The following SMAGP variants were observed in gnomAD, a reference collection of about 807,000 sequenced individuals.
The protein encoded by SMAGP is small cell transmembrane and glycosylated protein.
A neutral mutation model predicts 10.1 loss-of-function variants in SMAGP; 7 were observed. The ratio of observed to expected loss-of-function variants is 0.70; its 90% confidence interval spans 0.40 to 1.31. SMAGP has a LOEUF of 1.31. Among genes scored for constraint, SMAGP ranks in the 50% most tolerant of loss-of-function variants. The pLI, the probability that SMAGP is intolerant of heterozygous loss-of-function variation, is 0.01. For missense variants in SMAGP, 113 were observed against 116.5 expected (o/e 0.97, Z 0.14); for synonymous variants, 49 against 47.2 (o/e 1.04, Z -0.16).
intron 2 of SMAGP, among the ~76,000 whole-genome samples, chr12:51,256,559 T>A (rs935678162): frequency 6.6e-6 from 1 of 151,964 alleles, no homozygotes; most frequent in African/African-American, 2.4e-5. Context: ...CCATCTCTAC[T>A]AAAAATACAA....
In SMAGP at chr12:51,264,915, G is replaced by C. The variant is rs147585954; in HGVS notation, c.34+4330C>G. 4.3e-3 allele frequency among the ~76,000 whole-genome samples: 608 copies of C among 142,224 alleles called. 8 individuals carry two copies. Among genetic ancestry groups the C allele is most frequent in the African/African-American group, 0.015 (567 of 38,028 alleles). 93.3% of individuals were successfully genotyped at this position (142,224 alleles called of 152,430 possible). On this transcript the variant is annotated intron_variant, in intron 2 of 3. Transcript: ENST00000603798. ...CCACTGCAATCCAGCCTGGGTGACA[G>C]AGCAAGACTCCATCGCCAGAAAAAA...
chr12:51,254,526 GAC>G lies in SMAGP; in HGVS notation c.35-7697_35-7696del, dbSNP rs549720855. ...TGCACCACTGCACTCCAACCTGGGT[GAC>G]AGAGAGAGACTCCATCTAAAAAAAA... On this transcript the variant is annotated intron_variant, in intron 2 of 3. Transcript: ENST00000603798. Among the ~76,000 whole-genome samples the G allele has an allele frequency of 5.3e-5, 8 of 152,072 alleles. No individual in the cohort carries two copies. In the South Asian group the frequency reaches 1.2e-3, roughly 24 times the overall value.
chr12:51,264,889 G>A (rs1332065671), intron 2 of SMAGP, among the ~76,000 whole-genome samples: 1 of 148,658 alleles, frequency 6.7e-6, no homozygotes, highest in Non-Finnish European at 1.5e-5. Context: ...CCGAGATGGT[G>A]CCACTGCAAT....
intron 2 of SMAGP, among the ~76,000 whole-genome samples, chr12:51,260,502 G>A (rs1944922830): frequency 6.6e-6 from 1 of 151,274 alleles, no homozygotes; most frequent in Non-Finnish European, 1.5e-5. Flanking sequence ...TCAGCCTCCT[G>A]AGTAGTTGGG....
intron 1 of SMAGP, 129 bp downstream of exon 1, chr12:51,270,127 C>T (rs1483514199): frequency 1.3e-5 from 2 of 152,140 alleles, no homozygotes; most frequent in African/African-American, 2.4e-5. Context: ...CCAGCCGCCG[C>T]GACCCTCTGC....
chr12:51,248,495 T>G (rs1202814604), intron 2 of SMAGP, among the ~76,000 whole-genome samples: 1 of 149,038 alleles, frequency 6.7e-6, no homozygotes, highest in Non-Finnish European at 1.5e-5. Flanking sequence ...ATCCAGTTCC[T>G]GGCTCCTAAT....
chr12:51,246,154 A>C, intron 3 of SMAGP, 35 bp from the exon 4 acceptor site: 2 of 1,609,240 alleles, frequency 1.2e-6, no homozygotes, highest in Non-Finnish European at 1.7e-6. Context: ...GAGATGTTTC[A>C]GGATTGAGGA....
intron 2 of SMAGP, among the ~76,000 whole-genome samples, chr12:51,258,959 C>A (rs1403906684): frequency 8.8e-6 from 1 of 113,872 alleles, no homozygotes; most frequent in Non-Finnish European, 1.7e-5. Context: ...CCAGCCTGGG[C>A]AACATGGGGA....
At chr12:51,262,845 C>G (rs1336581359) in intron 2 of SMAGP, among the ~76,000 whole-genome samples, 2 of 152,176 alleles carry the variant, frequency 1.3e-5, no homozygotes, top group Non-Finnish European at 2.9e-5. Flanking sequence ...CTAAGTCTGC[C>G]AGCCTACTTA....
At chr12:51,262,524 A>G (rs1260158282) in intron 2 of SMAGP, among the ~76,000 whole-genome samples, 1 of 152,144 alleles carries the variant, frequency 6.6e-6, no homozygotes, top group African/African-American at 2.4e-5. Flanking sequence ...AACTAAGTTC[A>G]GGAAAGCTGG....
chr12:51,269,347 A>C (rs1233936459), intron 1 of SMAGP, 31 bp from the exon 2 acceptor site: 52 of 1,585,548 alleles, frequency 3.3e-5, no homozygotes, highest in Non-Finnish European at 4.2e-5. Context: ...ACAGGAATGT[A>C]GCGGGTGGGC....
At chr12:51,260,921 C>T (rs1237563107) in intron 2 of SMAGP, among the ~76,000 whole-genome samples, 1 of 151,022 alleles carries the variant, frequency 6.6e-6, no homozygotes, top group Non-Finnish European at 1.5e-5. Context: ...CTCCTGACTT[C>T]GTGATCCACC....
chr12:51,253,800 G>C (rs1488906026), intron 2 of SMAGP, among the ~76,000 whole-genome samples: 3 of 152,172 alleles, frequency 2.0e-5, no homozygotes, highest in Non-Finnish European at 2.9e-5. Flanking sequence ...CAGCTACTTG[G>C]GAGGCCAAGG....
At chr12:51,264,927 A>G (rs1296056368) in intron 2 of SMAGP, among the ~76,000 whole-genome samples, 2 of 147,062 alleles carry the variant, frequency 1.4e-5, no homozygotes, top group Non-Finnish European at 1.5e-5. Flanking sequence ...GCAAGACTCC[A>G]TCGCCAGAAA....
intron 2 of SMAGP, among the ~76,000 whole-genome samples, chr12:51,268,369 A>G (rs1373300321): frequency 1.3e-5 from 2 of 152,208 alleles, no homozygotes; most frequent in East Asian, 3.9e-4. Flanking sequence ...TTTGTGAATG[A>G]TGAAACCGGA....
chr12:51,257,140 ATTTG>A (rs1443417428), intron 2 of SMAGP, among the ~76,000 whole-genome samples: 2 of 152,120 alleles, frequency 1.3e-5, no homozygotes, highest in Non-Finnish European at 1.5e-5. Flanking sequence ...GGGAGTTCAA[ATTTG>A]TTTGTTTTTC....
intron 3 of SMAGP, 69 bp from the exon 4 acceptor site, chr12:51,246,188 T>A: frequency 1.3e-6 from 2 of 1,560,932 alleles, no homozygotes; most frequent in Non-Finnish European, 1.7e-6. Flanking sequence ...CCTGGAGTCA[T>A]CTGATTTAGT....
chr12:51,256,775 A>AC (rs1944889357), intron 2 of SMAGP, among the ~76,000 whole-genome samples: 1 of 90,970 alleles, frequency 1.1e-5, no homozygotes. Context: ...CCTCCCCCCC[A>AC]CCCAAAAAAA....
rs5798164 is a variant in SMAGP, at chr12:51,244,820, CTTTTTT to C, written c.*1115_*1120del. On this transcript the variant is annotated 3_prime_UTR_variant, in exon 4 of 4. Transcript: ENST00000603798. Reference sequence around the variant, plus strand: ...TTGAACCAACTCATCTCCCAGGGTACTTTTTTTTTTTTTTTTTTTTTTGAGACGGAG... The same window carrying C: ...TTGAACCAACTCATCTCCCAGGGTACTTTTTTTTTTTTTTTTGAGACGGAG... The C allele has an allele frequency of 7.6e-5, 7 of 92,074 alleles. No individual in the cohort carries two copies. The South Asian group carries it at 2.0e-3, about 26-fold the overall frequency. The allele number at this position is 92,074 out of a possible 1,614,324, so 5.7% of individuals were successfully genotyped here. A position where few individuals can be genotyped will look rare whatever the true frequency, so the allele number is the denominator to read the frequency against.
Sources: allele counts gnomAD v4.1 joint callset (sites outside exome capture counted in the v4.1 genomes callset), GRCh38; gene constraint gnomAD v4.1.1; transcripts MANE v1.5; gene names NCBI Gene and HGNC (gene_info 2026-07-23, HGNC 2026-07-21).